The following CADM2 variants were observed in gnomAD, a reference collection of about 807,000 sequenced individuals.
The protein encoded by CADM2 is immunoglobulin superfamily member 4D.
CADM2 carries 12 observed loss-of-function variants against 49.8 expected under a neutral mutation model. The ratio of observed to expected loss-of-function variants is 0.24; its 90% CI spans 0.15 to 0.39. The LOEUF (loss-of-function observed/expected upper bound fraction) is 0.39. CADM2 is among the 10% of genes least tolerant of loss of function. The pLI, the probability that CADM2 is intolerant of heterozygous loss-of-function variation, is 1.00. For missense variants in CADM2, 378 were observed against 492.3 expected, an observed-to-expected ratio of 0.77 and a Z score of 2.20; for synonymous variants, 214 against 175.4, an observed-to-expected ratio of 1.22 and a Z score of -1.74.
intron 1 of CADM2, among the ~76,000 whole-genome samples, chr3:85,371,677 G>GTATA (rs1167720851): frequency 5.3e-4 from 50 of 95,112 alleles, no homozygotes; most frequent in African/African-American, 1.7e-3. Flanking sequence ...GTGTGTGTGT[G>GTATA]TATATATATA....
chr3:85,994,973 C>T lies in CADM2; in HGVS notation c.970+33326C>T, dbSNP rs1165502734. ...ATGCTGTTGGAAAAATGGTGCCAGC[C>T]GACTAGGTCAATGCAGGGTTGCCAC... is the stretch of plus-strand genomic sequence containing the variant. On this transcript the variant is annotated intron_variant, in intron 8 of 9. Coordinates refer to ENST00000383699, the MANE Select transcript of CADM2 (RefSeq NM_001167675.2). Among the ~76,000 whole-genome samples the T allele has an allele frequency of 9.1e-5, 12 of 131,654 alleles. No individual in the cohort carries two copies. In the East Asian group the frequency reaches 9.7e-4, roughly 11 times the overall value. 86.4% of individuals were successfully genotyped at this position (131,654 alleles called of 152,430 possible).
intron 1 of CADM2, among the ~76,000 whole-genome samples, chr3:85,434,465 C>T (rs1342197549): frequency 6.6e-6 from 1 of 151,828 alleles, no homozygotes; most frequent in Non-Finnish European, 1.5e-5. Flanking sequence ...TACTAAGGGG[C>T]TATAATGTTT....
intron 6 of CADM2, among the ~76,000 whole-genome samples, chr3:85,913,694 C>T (rs1717913224): frequency 6.6e-6 from 1 of 152,128 alleles, no homozygotes; most frequent in African/African-American, 2.4e-5. Context: ...TCTCTTACAG[C>T]ATCCATTCTA....
chr3:85,885,734 C>A (rs1472365083), intron 4 of CADM2, among the ~76,000 whole-genome samples: 2 of 148,136 alleles, frequency 1.4e-5, no homozygotes, highest in Non-Finnish European at 3.0e-5. Flanking sequence ...CACCTGTAAT[C>A]CCAGCTACTT....
At chr3:85,223,510 C>G (rs139784778) in intron 1 of CADM2, among the ~76,000 whole-genome samples, 1 of 152,060 alleles carries the variant, frequency 6.6e-6, no homozygotes, top group African/African-American at 2.4e-5. Context: ...TATATTTATC[C>G]CGGAGTAGGA....
intron 1 of CADM2, among the ~76,000 whole-genome samples, chr3:85,044,696 GA>G (rs34817203): frequency 2.8e-4 from 43 of 152,084 alleles, no homozygotes; most frequent in Non-Finnish European, 4.6e-4. Context: ...CAGTTGCCAA[GA>G]AAAAACCAGT....
At position 85,855,621 on chromosome 3, in the gene CADM2, C is replaced by CATATAT. The variant is rs142144366; in HGVS notation, c.239-27655_239-27650dup. ...ATAAAACATATATATATATATAAAA[C>CATATAT]ATATATATATATATATATATTTTGA... is the stretch of plus-strand genomic sequence containing the variant. On this transcript the variant is annotated intron_variant, in intron 3 of 9. Coordinates refer to ENST00000383699, the MANE Select transcript of CADM2 (RefSeq NM_001167675.2). Among the ~76,000 whole-genome samples, 87 of 54,022 alleles carry CATATAT rather than the reference C, an allele frequency of 1.6e-3. 2 individuals carry two copies. Among genetic ancestry groups the CATATAT allele is most frequent in the African/African-American group, 3.3e-3 (72 of 21,826 alleles). 35.4% of individuals were successfully genotyped at this position (54,022 alleles called of 152,430 possible). A position where few individuals can be genotyped will look rare whatever the true frequency, so the allele number is the denominator to read the frequency against.
chr3:85,813,392 G>A (rs938893944), intron 3 of CADM2, among the ~76,000 whole-genome samples: 1 of 152,096 alleles, frequency 6.6e-6, no homozygotes, highest in African/African-American at 2.4e-5. Flanking sequence ...TTTTGATGGG[G>A]TTGTTTGTTT....
At chr3:85,953,675 T>G (rs1723713796) in intron 7 of CADM2, among the ~76,000 whole-genome samples, 1 of 151,046 alleles carries the variant, frequency 6.6e-6, no homozygotes, top group Admixed American at 6.6e-5. Context: ...AGAAACTACT[T>G]GAATATAATA....
At chr3:85,312,485 G>A (rs1193972361) in intron 1 of CADM2, among the ~76,000 whole-genome samples, 1 of 151,936 alleles carries the variant, frequency 6.6e-6, no homozygotes, top group African/African-American at 2.4e-5. Flanking sequence ...ATGTGAGCAT[G>A]ATGCGGCATG....
chr3:86,036,769 A>C (rs1223600906), intron 8 of CADM2, among the ~76,000 whole-genome samples: 1 of 152,228 alleles, frequency 6.6e-6, no homozygotes, highest in Non-Finnish European at 1.5e-5. Context: ...AAATTAAAGA[A>C]GTCACTTTAT....
At chr3:85,298,982 C>G (rs1009936686) in intron 1 of CADM2, among the ~76,000 whole-genome samples, 3 of 152,024 alleles carry the variant, frequency 2.0e-5, no homozygotes, top group African/African-American at 7.2e-5. Context: ...AATCCCTTAT[C>G]CTCAGCATAT....
At chr3:85,577,041 A>G (rs906779354) in intron 1 of CADM2, among the ~76,000 whole-genome samples, 2 of 152,166 alleles carry the variant, frequency 1.3e-5, no homozygotes, top group African/African-American at 4.8e-5. Flanking sequence ...AATATTTGTC[A>G]CTACTAATGA....
chr3:85,018,205 A>T (rs960749681), intron 1 of CADM2, among the ~76,000 whole-genome samples: 1 of 152,162 alleles, frequency 6.6e-6, no homozygotes, highest in Admixed American at 6.5e-5. Context: ...ATAGAGTTTC[A>T]TATCAGGAAT....
chr3:85,545,441 C>T (rs1347257359), intron 1 of CADM2, among the ~76,000 whole-genome samples: 1 of 152,042 alleles, frequency 6.6e-6, no homozygotes, highest in African/African-American at 2.4e-5. Flanking sequence ...TTTAATAGCC[C>T]AAGGTCAAAT....
chr3:85,105,809 T>A (rs138846158), intron 1 of CADM2, among the ~76,000 whole-genome samples: 1 of 151,876 alleles, frequency 6.6e-6, no homozygotes, highest in Admixed American at 6.6e-5. Context: ...ATGGATGAAA[T>A]TGGAAATCAT....
intron 3 of CADM2, among the ~76,000 whole-genome samples, chr3:85,859,862 T>C (rs1291051386): frequency 6.6e-6 from 1 of 152,232 alleles, no homozygotes; most frequent in Non-Finnish European, 1.5e-5. Context: ...TTTGACAAAC[T>C]TATAAATTAA....
intron 8 of CADM2, among the ~76,000 whole-genome samples, chr3:86,006,014 C>T (rs1000768665): frequency 7.2e-5 from 11 of 152,174 alleles, no homozygotes; most frequent in Admixed American, 7.2e-4. Flanking sequence ...ATAATGATCT[C>T]CAGTTCCATC....
At chr3:85,595,402 C>A (rs2063215572) in intron 1 of CADM2, among the ~76,000 whole-genome samples, 1 of 151,998 alleles carries the variant, frequency 6.6e-6, no homozygotes, top group Non-Finnish European at 1.5e-5. Context: ...AAACAGTTCA[C>A]AGAACTATAT....
Sources: allele counts gnomAD v4.1 joint callset (sites outside exome capture counted in the v4.1 genomes callset), GRCh38; gene constraint gnomAD v4.1.1; transcripts MANE v1.5; gene names NCBI Gene and HGNC (gene_info 2026-07-23, HGNC 2026-07-21).